Variants in TRIB2 observed in about 807,000 individuals in gnomAD.
TRIB2 encodes the protein tribbles homolog 2.
Under a neutral mutation model 26.8 loss-of-function variants are expected in TRIB2, and 2 were observed. That is an observed-to-expected ratio of 0.07 (90% CI 0.03 to 0.24). The LOEUF (loss-of-function observed/expected upper bound fraction) is 0.24, where lower values mean the gene tolerates loss of function less well. Ranked by LOEUF, TRIB2 falls within the 10% of genes least tolerant of loss-of-function variation. The probability of loss-of-function intolerance (pLI) is 1.00; values close to 1 mark genes in which losing one functional copy is unlikely to be tolerated. For missense variants in TRIB2, 306 were observed against 449.0 expected (o/e 0.68, Z 2.88); for synonymous variants, 189 against 187.3 (o/e 1.01, Z -0.08).
intron 2 of TRIB2, 133 bp downstream of exon 2, chr2:12,723,685 A>C (rs961796622): frequency 9.4e-7 from 1 of 1,061,180 alleles, no homozygotes; most frequent in Non-Finnish European, 1.3e-6. Context: ...AGGAGGGCAA[A>C]AGGAAGTGAA....
At chr2:12,737,343 T>C (rs147980137) in intron 2 of TRIB2, 144 of 148,428 alleles carry the variant, frequency 9.7e-4, no homozygotes, top group African/African-American at 2.7e-3. Context: ...AAATTGGAGA[T>C]GAGGAGTCTG....
chr2:12,717,543 C>T lies in TRIB2; in HGVS notation c.-765C>T. ...CCAGCCCGCGCCGCAACTCTGTGCC[C>T]AGCTTTTGCAATCTTTTGTTGGCAG... On this transcript the variant is annotated 5_prime_UTR_variant, in exon 1 of 3. Transcript: ENST00000155926. The surrounding 1 kb of genome is among the most constrained non-coding windows in gnomAD (Gnocchi z 4.8). 1 of 398,368 alleles carries T rather than the reference C, an allele frequency of 2.5e-6. No individual in the cohort carries two copies. The highest frequency in any genetic ancestry group is 4.4e-6 in the Non-Finnish European group (1 of 225,858). The allele number at this position is 398,368 out of a possible 1,614,324, so 24.7% of individuals were successfully genotyped here.
At chr2:12,720,314 A>T (rs1661177277) in intron 1 of TRIB2, among the ~76,000 whole-genome samples, 1 of 152,222 alleles carries the variant, frequency 6.6e-6, no homozygotes, top group Non-Finnish European at 1.5e-5. Flanking sequence ...TAGTTATTGC[A>T]AAGATTGAAT....
At chr2:12,721,246 TTAG>T (rs2103249336) in intron 1 of TRIB2, among the ~76,000 whole-genome samples, 1 of 152,348 alleles carries the variant, frequency 6.6e-6, no homozygotes, top group South Asian at 2.1e-4. Context: ...CACAAATATG[TTAG>T]TTTTTTAAAA....
In TRIB2 at chr2:12,742,162, G is replaced by C. The variant is rs1661723097; in HGVS notation, c.*1368G>C. The stretch of plus-strand genomic sequence containing the variant: ...TAGATAGCTTTATTTGATTTCGAGT[G>C]GCAAAATGTTTTTTATTACGGCTTT... On this transcript the variant is annotated 3_prime_UTR_variant, in exon 3 of 3. Coordinates refer to ENST00000155926, the MANE Select transcript of TRIB2 (RefSeq NM_021643.4). 6.6e-6 allele frequency: 1 copy of C among 152,600 alleles called. No homozygotes were observed. The highest frequency in any genetic ancestry group is 6.5e-5 in the Admixed American group (1 of 15,272). 9.5% of individuals were successfully genotyped at this position (152,600 alleles called of 1,614,324 possible).
rs1205440185 is a variant in TRIB2 at position 12,740,350 on chromosome 2, G to T, written c.588G>T (p.Leu196=). Residue 196 remains leucine (L), a synonymous_variant, in exon 3 of 3, where the codon CTG becomes CTT. Coordinates refer to ENST00000155926, the MANE Select transcript of TRIB2 (RefSeq NM_021643.4). This position sits in a 1 kb window ranked among gnomAD's most constrained non-coding sequence, Gnocchi z 5.8. ...GGACTCGGGTCAAGCTGGAAAGCCT[G>T]GAAGACGCCTACATTCTGCGGGGAG... is the stretch of plus-strand genomic sequence containing the variant. The part of the protein sequence containing the change: ...EERTRVKLES[L]EDAYILRGDD... The T allele has an allele frequency of 1.2e-5, 19 of 1,613,824 alleles. No homozygotes were observed. Among genetic ancestry groups the T allele is most frequent in the Non-Finnish European group, 1.6e-5 (19 of 1,179,826 alleles).
chr2:12,731,385 G>T (rs1375424123), intron 2 of TRIB2, among the ~76,000 whole-genome samples: 1 of 152,148 alleles, frequency 6.6e-6, no homozygotes, highest in East Asian at 1.9e-4. Context: ...TTGACCTGAA[G>T]CCCAGAAGGA....
chr2:12,739,320 T>G (rs1661657551), intron 2 of TRIB2, among the ~76,000 whole-genome samples: 1 of 152,156 alleles, frequency 6.6e-6, no homozygotes, highest in Non-Finnish European at 1.5e-5. Flanking sequence ...AATGCAGTAG[T>G]GCGATCTCAG....
Position 12,717,637 on chromosome 2 carries a change from G to T in TRIB2, c.-671G>T. On this transcript the variant is annotated 5_prime_UTR_variant, in exon 1 of 3. Coordinates refer to ENST00000155926, the MANE Select transcript of TRIB2 (RefSeq NM_021643.4). This position sits in a 1 kb window ranked among gnomAD's most constrained non-coding sequence, Gnocchi z 4.8. ...TTTTTGTTTGTTTGTTTAATTTTTGGAGAGCTCGCGATCTTGGAAAAGCCT... is the reference window on the plus strand; with the variant it reads ...TTTTTGTTTGTTTGTTTAATTTTTGTAGAGCTCGCGATCTTGGAAAAGCCT... 1 of 395,388 alleles carries T rather than the reference G, an allele frequency of 2.5e-6. No homozygotes were observed. Among genetic ancestry groups the T allele is most frequent in the Non-Finnish European group, 4.5e-6 (1 of 224,594 alleles). The allele number at this position is 395,388 out of a possible 1,614,324, so 24.5% of individuals were successfully genotyped here.
intron 2 of TRIB2, among the ~76,000 whole-genome samples, chr2:12,733,824 C>G (rs111388054): frequency 2.0e-4 from 31 of 152,086 alleles, no homozygotes; most frequent in African/African-American, 7.2e-4. Context: ...AGGGGCCACA[C>G]TGGTAGTTCA....
intron 2 of TRIB2, among the ~76,000 whole-genome samples, chr2:12,734,267 C>T (rs915309936): frequency 1.3e-5 from 2 of 152,190 alleles, no homozygotes; most frequent in African/African-American, 4.8e-5. Context: ...CCACCACCCT[C>T]CACCCCTTGT....
At chr2:12,724,553 A>T in intron 2 of TRIB2, 1 of 1,543,268 alleles carries the variant, frequency 6.5e-7, no homozygotes, top group Non-Finnish European at 8.7e-7. Context: ...CTTTACCTTT[A>T]TTAACAAACT....
In TRIB2 at chr2:12,723,256, G is replaced by A. The variant is rs564356114; in HGVS notation, c.271-4G>A. On this transcript the variant is annotated splice_polypyrimidine_tract_variant and splice_region_variant and intron_variant, in intron 1 of 2. Transcript: ENST00000155926. ...CTTTGGTCTTACTGTTAATCCTGTC[G>A]TAGGTGTTTGATATCAGCTGCTACC... The A allele has an allele frequency of 1.9e-5, 30 of 1,610,868 alleles. No homozygotes were observed. Among genetic ancestry groups the A allele is most frequent in the African/African-American group, 6.7e-5 (5 of 75,000 alleles).
Position 12,718,442 on chromosome 2 carries a change from C to T in TRIB2, c.135C>T (p.Ser45=), listed in dbSNP as rs747065082. ...AGAGTTTCAGCCCGAACCTCGGCTC[C>T]CCGAGCCCGCCCGAGACTCCGAACT... ...PSQSFSPNLG[S]PSPPETPNLS... The change falls in exon 1 of 3, where the codon TCC becomes TCT. Residue 45 remains serine, a synonymous_variant. Transcript: ENST00000155926. The surrounding 1 kb of genome is among the most constrained non-coding windows in gnomAD (Gnocchi z 4.0). 1.9e-5 allele frequency: 30 copies of T among 1,614,114 alleles called. No homozygotes were observed. In the Admixed American group the frequency reaches 5.0e-4, roughly 27 times the overall value.
At chr2:12,734,460 T>C (rs2103257382) in intron 2 of TRIB2, among the ~76,000 whole-genome samples, 1 of 152,204 alleles carries the variant, frequency 6.6e-6, no homozygotes, top group South Asian at 2.1e-4. Context: ...GAACGAGAAT[T>C]CACATCTACG....
At chr2:12,738,817 G>A (rs935769338) in intron 2 of TRIB2, among the ~76,000 whole-genome samples, 2 of 152,116 alleles carry the variant, frequency 1.3e-5, no homozygotes, top group Admixed American at 6.5e-5. Flanking sequence ...CAGTAGATTA[G>A]GTATAGTTAA....
intron 2 of TRIB2, among the ~76,000 whole-genome samples, chr2:12,726,218 C>T (rs1661338149): frequency 6.6e-6 from 1 of 152,194 alleles, no homozygotes; most frequent in Non-Finnish European, 1.5e-5. Flanking sequence ...TTCTAAAATC[C>T]AACTATCAAC....
Position 12,740,882 on chromosome 2 carries a change from TG to T in TRIB2, c.*89del, listed in dbSNP as rs1367426662. On this transcript the variant is annotated 3_prime_UTR_variant, in exon 3 of 3. Coordinates refer to ENST00000155926, the MANE Select transcript of TRIB2 (RefSeq NM_021643.4). This position sits in a 1 kb window ranked among gnomAD's most constrained non-coding sequence, Gnocchi z 5.8. The stretch of plus-strand genomic sequence containing the variant: ...TTCCGGGGGACACGAATTGCCTGGC[TG>T]AGTAGCAAGAAAGACACACTCTTAA... 4 of 1,254,300 alleles carry T rather than the reference TG, an allele frequency of 3.2e-6. No homozygotes were observed. The highest frequency in any genetic ancestry group is 4.5e-6 in the Non-Finnish European group (4 of 898,368). The allele number at this position is 1,254,300 out of a possible 1,614,324, so 77.7% of individuals were successfully genotyped here.
At chr2:12,739,336 T>C (rs1011295451) in intron 2 of TRIB2, among the ~76,000 whole-genome samples, 8 of 152,196 alleles carry the variant, frequency 5.3e-5, no homozygotes, top group African/African-American at 1.9e-4. Context: ...CTCAGCTCAC[T>C]GTAACCTCCG....
Sources: allele counts gnomAD v4.1 joint callset (sites outside exome capture counted in the v4.1 genomes callset), GRCh38; gene constraint gnomAD v4.1.1; non-coding constraint Gnocchi (gnomAD v3.1); transcripts MANE v1.5; gene names NCBI Gene and HGNC (gene_info 2026-07-23, HGNC 2026-07-21).